ADGRL3: variants seen among roughly 807,000 people sequenced by gnomAD.
ADGRL3 encodes the protein adhesion G protein-coupled receptor L3.
A neutral mutation model predicts 153.5 loss-of-function variants in ADGRL3; 62 were observed. The observed-to-expected ratio is 0.40, with a 90% CI of 0.33 to 0.50. ADGRL3 has a LOEUF of 0.50. Ranked by LOEUF, ADGRL3 falls within the 20% of genes least tolerant of loss-of-function variation. The probability of loss-of-function intolerance (pLI) is 0.47; values close to 1 mark genes in which losing one functional copy is unlikely to be tolerated. For missense variants in ADGRL3, 1,641 were observed against 1,859.4 expected (o/e 0.88, Z 2.16); for synonymous variants, 710 against 672.5 (o/e 1.06, Z -0.86).
intron 17 of ADGRL3, among the ~76,000 whole-genome samples, chr4:61,971,300 C>A (rs923700371): frequency 4.6e-5 from 7 of 151,966 alleles, no homozygotes; most frequent in African/African-American, 1.7e-4. Context: ...AATGCTATCC[C>A]TCCCCGCTCC....
intron 1 of ADGRL3, among the ~76,000 whole-genome samples, chr4:61,358,423 C>T (rs998132185): frequency 2.0e-5 from 3 of 151,888 alleles, no homozygotes; most frequent in African/African-American, 4.8e-5. Context: ...GGATGAAACC[C>T]CGTCTCTACT....
intron 1 of ADGRL3, among the ~76,000 whole-genome samples, chr4:61,265,221 C>A (rs2092777582): frequency 6.6e-6 from 1 of 151,840 alleles, no homozygotes; most frequent in Non-Finnish European, 1.5e-5. Context: ...TACCAAAGAA[C>A]AGCTTGGGAA....
chr4:61,413,404 C>A (rs969979869), intron 2 of ADGRL3, among the ~76,000 whole-genome samples: 1 of 152,034 alleles, frequency 6.6e-6, no homozygotes, highest in Non-Finnish European at 1.5e-5. Context: ...GGCAGGTCAT[C>A]ACTACTCTGG....
In ADGRL3 at chr4:61,615,173, C is replaced by T. The variant is rs528710186; in HGVS notation, c.473+27733C>T. On this transcript the variant is annotated intron_variant, in intron 5 of 26. Coordinates refer to ENST00000683033, the MANE Select transcript of ADGRL3 (RefSeq NM_001387552.1). ...ATGAAAATATTAGTTTGAGGTATGC[C>T]TAAGGATGAAGAGTTTAAGAAATCC... Among the ~76,000 whole-genome samples the T allele has an allele frequency of 1.7e-3, 254 of 152,004 alleles. 4 individuals are homozygous for T. The Middle Eastern group carries it at 0.034, about 20-fold the overall frequency.
intron 8 of ADGRL3, among the ~76,000 whole-genome samples, chr4:61,778,796 G>A (rs972026386): frequency 5.3e-5 from 8 of 152,112 alleles, no homozygotes; most frequent in African/African-American, 1.7e-4. Flanking sequence ...GGTGGATCCC[G>A]CCTGTAATCC....
intron 8 of ADGRL3, among the ~76,000 whole-genome samples, chr4:61,762,606 G>GT (rs1251981485): frequency 6.6e-6 from 1 of 152,038 alleles, no homozygotes; most frequent in Non-Finnish European, 1.5e-5. Context: ...GGCAAATACC[G>GT]TAAGTTAAAT....
At chr4:61,696,610 A>G (rs549944661) in intron 6 of ADGRL3, among the ~76,000 whole-genome samples, 3 of 151,272 alleles carry the variant, frequency 2.0e-5, no homozygotes, top group African/African-American at 7.3e-5. Context: ...ATAAATATTT[A>G]CTGAATGCCT....
intron 9 of ADGRL3, among the ~76,000 whole-genome samples, chr4:61,852,312 T>C (rs1004930152): frequency 6.6e-6 from 1 of 151,638 alleles, no homozygotes. Context: ...TATTTTATTT[T>C]ATTTTATTTT....
chr4:61,636,132 A>ACTGT (rs1403875237), intron 5 of ADGRL3, among the ~76,000 whole-genome samples: 2 of 152,168 alleles, frequency 1.3e-5, no homozygotes, highest in Admixed American at 1.3e-4. Flanking sequence ...ATTGGACTGT[A>ACTGT]CTGTCAACCT....
intron 2 of ADGRL3, among the ~76,000 whole-genome samples, chr4:61,394,587 T>A (rs1351376487): frequency 1.3e-5 from 2 of 151,986 alleles, no homozygotes; most frequent in East Asian, 1.9e-4. Flanking sequence ...TAAAAAAAAA[T>A]TACGTATCTT....
chr4:61,479,172 A>G (rs2098102797), intron 2 of ADGRL3, among the ~76,000 whole-genome samples: 1 of 151,864 alleles, frequency 6.6e-6, no homozygotes, highest in Non-Finnish European at 1.5e-5. Context: ...ACTCTTCAAC[A>G]TTTTTTTCTT....
chr4:61,853,015 G>A (rs1208289112), intron 9 of ADGRL3, among the ~76,000 whole-genome samples: 1 of 151,592 alleles, frequency 6.6e-6, no homozygotes, highest in East Asian at 1.9e-4. Flanking sequence ...TGGTTGGTTG[G>A]TTGGTTTTGT....
At chr4:61,469,353 T>A (rs530203468) in intron 2 of ADGRL3, among the ~76,000 whole-genome samples, 1 of 152,262 alleles carries the variant, frequency 6.6e-6, no homozygotes, top group East Asian at 1.9e-4. Context: ...AATTAACCTT[T>A]GCCAAGTGTT....
intron 2 of ADGRL3, among the ~76,000 whole-genome samples, chr4:61,418,932 AG>A (rs2097173217): frequency 6.6e-6 from 1 of 150,834 alleles, no homozygotes; most frequent in African/African-American, 2.5e-5. Context: ...TTTACAGTTT[AG>A]TGACTATAAA....
At chr4:61,405,915 TG>T (rs545940928) in intron 2 of ADGRL3, among the ~76,000 whole-genome samples, 48 of 152,168 alleles carry the variant, frequency 3.2e-4, no homozygotes, top group African/African-American at 1.1e-3. Context: ...AAATACTCTT[TG>T]CCAGATGTGA....
intron 2 of ADGRL3, among the ~76,000 whole-genome samples, chr4:61,479,384 A>G (rs1180140412): frequency 6.6e-6 from 1 of 152,074 alleles, no homozygotes; most frequent in Non-Finnish European, 1.5e-5. Context: ...TATTGCTTAT[A>G]TTACCTACCT....
intron 6 of ADGRL3, among the ~76,000 whole-genome samples, chr4:61,692,713 G>A (rs2095563152): frequency 6.6e-6 from 1 of 152,088 alleles, no homozygotes; most frequent in African/African-American, 2.4e-5. Flanking sequence ...AAAGTGCTTG[G>A]AGGCATAAGC....
At chr4:61,567,185 A>T (rs997858032) in intron 4 of ADGRL3, among the ~76,000 whole-genome samples, 1 of 152,202 alleles carries the variant, frequency 6.6e-6, no homozygotes, top group African/African-American at 2.4e-5. Flanking sequence ...CAGAAAAGTT[A>T]AATAATTTGT....
chr4:61,833,005 A>G (rs544771388), intron 9 of ADGRL3, among the ~76,000 whole-genome samples: 1 of 152,158 alleles, frequency 6.6e-6, no homozygotes, highest in Admixed American at 6.5e-5. Context: ...AAGTGCCTAC[A>G]TGCAAGATTT....
Sources: gnomAD v4.1 joint callset for allele counts (sites outside exome capture counted in the v4.1 genomes callset) on GRCh38, gnomAD v4.1.1 for gene constraint, MANE v1.5 for transcripts, NCBI Gene and HGNC (gene_info 2026-07-23, HGNC 2026-07-21) for gene names.